KPNA4: variants seen among roughly 807,000 people sequenced by gnomAD.
KPNA4 encodes karyopherin subunit alpha 4, also known as importin subunit alpha-3.
In KPNA4, 13 loss-of-function variants were observed where a neutral mutation model predicts 71.3. That is an observed-to-expected ratio of 0.18 (90% CI 0.12 to 0.29). The LOEUF is 0.29. Among genes scored for constraint, KPNA4 ranks in the 10% least tolerant of loss-of-function variants. The pLI is 1.00. For missense variants in KPNA4, 334 were observed against 603.2 expected (o/e 0.55, Z 4.67); for synonymous variants, 189 against 195.2 (o/e 0.97, Z 0.26).
At chr3:160,509,490 AAG>A (rs1442692098) in intron 14 of KPNA4, among the ~76,000 whole-genome samples, 1 of 152,234 alleles carries the variant, frequency 6.6e-6, no homozygotes, top group Non-Finnish European at 1.5e-5. Context: ...AATTGGGAAA[AAG>A]AACACTTCTA....
intron 1 of KPNA4, among the ~76,000 whole-genome samples, chr3:160,549,648 C>A (rs1160575938): frequency 6.6e-6 from 1 of 152,148 alleles, no homozygotes; most frequent in Non-Finnish European, 1.5e-5. Context: ...GCCAGTACAC[C>A]ATACTGATTT....
chr3:160,536,203 A>T (rs1721690500), intron 2 of KPNA4, among the ~76,000 whole-genome samples: 2 of 152,116 alleles, frequency 1.3e-5, no homozygotes, highest in Non-Finnish European at 2.9e-5. Flanking sequence ...TTTAAGCCAG[A>T]ACCAAACACA....
In KPNA4 at chr3:160,496,890, A is replaced by T. The variant is rs1177050854; in HGVS notation, c.*5214T>A. Reference sequence around the variant, plus strand: ...TTTATTGAAAATACACTGGACTTGGACATCCTGAGTCAAACTGCCATCACC... The same window carrying T: ...TTTATTGAAAATACACTGGACTTGGTCATCCTGAGTCAAACTGCCATCACC... On this transcript the variant is annotated 3_prime_UTR_variant, in exon 17 of 17. Coordinates refer to ENST00000334256, the MANE Select transcript of KPNA4 (RefSeq NM_002268.5). The T allele has an allele frequency of 6.6e-6, 1 of 152,222 alleles. No homozygotes were observed. Among genetic ancestry groups the T allele is most frequent in the Non-Finnish European group, 1.5e-5 (1 of 68,038 alleles). The allele number at this position is 152,222 out of a possible 1,614,324, so 9.4% of individuals were successfully genotyped here.
intron 1 of KPNA4, among the ~76,000 whole-genome samples, chr3:160,541,647 GCGCA>G (rs1553787447): frequency 2.2e-4 from 24 of 111,400 alleles, no homozygotes; most frequent in Non-Finnish European, 3.3e-4. Context: ...AGTTATATAC[GCGCA>G]CACACACACA....
intron 1 of KPNA4, among the ~76,000 whole-genome samples, chr3:160,548,022 A>AT (rs1055415995): frequency 1.1e-4 from 16 of 152,184 alleles, no homozygotes; most frequent in Non-Finnish European, 1.9e-4. Flanking sequence ...CTGTGTGGAC[A>AT]TAAGTTTTGA....
In KPNA4 at chr3:160,565,506, T is replaced by C. The variant is rs1722334137; in HGVS notation, c.-224A>G. ...ACTGCAGCTCCGGCAAAGACAACTG[T>C]GGGGCCGGGCGGCGGCAAGGCGACG... On this transcript the variant is annotated 5_prime_UTR_variant, in exon 1 of 17. Coordinates refer to ENST00000334256, the MANE Select transcript of KPNA4 (RefSeq NM_002268.5). 1.9e-6 allele frequency: 1 copy of C among 537,792 alleles called. No individual in the cohort carries two copies. The highest frequency in any genetic ancestry group is 3.3e-6 in the Non-Finnish European group (1 of 306,532). 33.3% of individuals were successfully genotyped at this position (537,792 alleles called of 1,614,324 possible). A position where few individuals can be genotyped will look rare whatever the true frequency, so the allele number is the denominator to read the frequency against.
At chr3:160,559,837 C>T (rs1178131105) in intron 1 of KPNA4, among the ~76,000 whole-genome samples, 2 of 151,654 alleles carry the variant, frequency 1.3e-5, no homozygotes, top group African/African-American at 4.8e-5. Context: ...CATTAAGACC[C>T]GAAAAAAAGG....
At chr3:160,543,461 T>G (rs1389707370) in intron 1 of KPNA4, among the ~76,000 whole-genome samples, 1 of 150,568 alleles carries the variant, frequency 6.6e-6, no homozygotes, top group Non-Finnish European at 1.5e-5. Flanking sequence ...CTGCCTGGAG[T>G]AGATGGGACT....
At chr3:160,556,288 C>G (rs1040154750) in intron 1 of KPNA4, among the ~76,000 whole-genome samples, 8 of 152,202 alleles carry the variant, frequency 5.3e-5, no homozygotes, top group African/African-American at 1.7e-4. Context: ...TTTTGAGGAA[C>G]TGCCAAACTG....
At chr3:160,508,688 T>C (rs1040074798) in intron 14 of KPNA4, among the ~76,000 whole-genome samples, 1 of 151,994 alleles carries the variant, frequency 6.6e-6, no homozygotes, top group East Asian at 1.9e-4. Flanking sequence ...GATTTATTTA[T>C]TTATTTAATA....
chr3:160,551,399 A>C (rs1242779982), intron 1 of KPNA4, among the ~76,000 whole-genome samples: 1 of 152,228 alleles, frequency 6.6e-6, no homozygotes, highest in Non-Finnish European at 1.5e-5. Flanking sequence ...GGGAAGATTC[A>C]TATGAATTGA....
chr3:160,547,615 T>C (rs892309624), intron 1 of KPNA4, among the ~76,000 whole-genome samples: 1 of 152,188 alleles, frequency 6.6e-6, no homozygotes, highest in Non-Finnish European at 1.5e-5. Context: ...TCATTCTTGG[T>C]GTCGCATACT....
rs577536112 is a variant in KPNA4, at chr3:160,495,444, T to A, written c.*6660A>T. ...TAAAAACTTTTTAGTATTCTTTTAG[T>A]ACTTCTGTTTCTGAATTAGACCGAA... On this transcript the variant is annotated 3_prime_UTR_variant, in exon 17 of 17. Coordinates refer to ENST00000334256, the MANE Select transcript of KPNA4 (RefSeq NM_002268.5). 1 of 152,298 alleles carries A rather than the reference T, an allele frequency of 6.6e-6. No individual in the cohort carries two copies. Among genetic ancestry groups the A allele is most frequent in the South Asian group, 2.1e-4 (1 of 4,822 alleles). 9.4% of individuals were successfully genotyped at this position (152,298 alleles called of 1,614,324 possible). A position where few individuals can be genotyped will look rare whatever the true frequency, so the allele number is the denominator to read the frequency against.
At chr3:160,565,115 G>C in intron 1 of KPNA4, 99 bp downstream of exon 1, 1 of 996,484 alleles carries the variant, frequency 1.0e-6, no homozygotes, top group Non-Finnish European at 1.5e-6. Context: ...CCCGAGGCCT[G>C]GAGGCGGCTC....
intron 1 of KPNA4, among the ~76,000 whole-genome samples, chr3:160,562,197 A>C (rs1722257594): frequency 6.6e-6 from 1 of 152,204 alleles, no homozygotes; most frequent in South Asian, 2.1e-4. Flanking sequence ...AAATGCAGCT[A>C]GTCCAAGTGG....
At position 160,528,032 on chromosome 3, in the gene KPNA4, C is replaced by T. The variant is rs761112561; in HGVS notation, c.477G>A (p.Val159=). ...QTQAVVQSNA[V]PLFLRLLHSP... ...AATGGAGAAGCCTCAGGAAAAGTGGCACAGCATCTGATGGAAGAAAAAATA... is the reference window on the plus strand; with the variant it reads ...AATGGAGAAGCCTCAGGAAAAGTGGTACAGCATCTGATGGAAGAAAAAATA... The change falls in exon 8 of 17, where the codon GTG becomes GTA. Residue 159 remains valine (V), a synonymous_variant. Coordinates refer to ENST00000334256, the MANE Select transcript of KPNA4 (RefSeq NM_002268.5). 5.6e-6 allele frequency: 9 copies of T among 1,610,744 alleles called. No individual in the cohort carries two copies. The highest frequency in any genetic ancestry group is 6.8e-6 in the Non-Finnish European group (8 of 1,177,858).
intron 12 of KPNA4, 74 bp from the exon 13 acceptor site, chr3:160,514,255 C>A: frequency 1.0e-6 from 1 of 975,570 alleles, no homozygotes; most frequent in Non-Finnish European, 1.5e-6. Context: ...AAAAAGCATT[C>A]ACTACACTGT....
At chr3:160,547,478 A>T (rs954941495) in intron 1 of KPNA4, among the ~76,000 whole-genome samples, 1 of 152,096 alleles carries the variant, frequency 6.6e-6, no homozygotes, top group Admixed American at 6.6e-5. Context: ...CAGTTCCCAT[A>T]TATTCCCTGC....
chr3:160,553,265 C>T (rs990367726), intron 1 of KPNA4, among the ~76,000 whole-genome samples: 1 of 152,170 alleles, frequency 6.6e-6, no homozygotes, highest in South Asian at 2.1e-4. Flanking sequence ...CCCTATACTC[C>T]TCACACCACA....
Sources: allele counts gnomAD v4.1 joint callset (sites outside exome capture counted in the v4.1 genomes callset), GRCh38; gene constraint gnomAD v4.1.1; transcripts MANE v1.5; gene names NCBI Gene and HGNC (gene_info 2026-07-23, HGNC 2026-07-21).